Variants in MCTP2 observed in about 807,000 individuals in gnomAD.
MCTP2 encodes the protein multiple C2 and transmembrane domain-containing protein 2.
In MCTP2, 132 loss-of-function variants were observed where a neutral mutation model predicts 111.6. That is an observed-to-expected ratio of 1.18 (90% confidence interval 1.03 to 1.37). The LOEUF is 1.37. MCTP2 is among the 40% of genes most tolerant of loss of function. The pLI is 0.00. For missense variants in MCTP2, 1,183 were observed against 1,067.9 expected, an observed-to-expected ratio of 1.11 and a Z score of -1.50; for synonymous variants, 395 against 387.7, an observed-to-expected ratio of 1.02 and a Z score of -0.22.
At chr15:94,396,469 G>C (rs2081287203) in intron 14 of MCTP2, among the ~76,000 whole-genome samples, 1 of 151,784 alleles carries the variant, frequency 6.6e-6, no homozygotes, top group Admixed American at 6.6e-5. Context: ...TATATGTTTG[G>C]TTTTCATCTA....
At chr15:94,467,212 C>T (rs2073425882) in intron 20 of MCTP2, among the ~76,000 whole-genome samples, 1 of 152,042 alleles carries the variant, frequency 6.6e-6, no homozygotes, top group Admixed American at 6.6e-5. Context: ...AAAAGTTGCA[C>T]AGGAGCTATT....
chr15:94,247,977 T>C (rs769441933), intron 1 of MCTP2, among the ~76,000 whole-genome samples: 2 of 152,174 alleles, frequency 1.3e-5, no homozygotes, highest in Non-Finnish European at 2.9e-5. Flanking sequence ...CTTACAGTAT[T>C]GCAGGGTGGT....
chr15:94,402,570 C>A, intron 17 of MCTP2: 1 of 1,551,520 alleles, frequency 6.4e-7, no homozygotes, highest in Non-Finnish European at 8.7e-7. Flanking sequence ...ATAATAAAAT[C>A]GCAGAATCAA....
chr15:94,382,723 C>T (rs769504235), intron 12 of MCTP2, among the ~76,000 whole-genome samples: 2 of 152,228 alleles, frequency 1.3e-5, no homozygotes, highest in Admixed American at 6.5e-5. Flanking sequence ...TGGCTTAGGC[C>T]CTGGCCTGGG....
intron 17 of MCTP2, among the ~76,000 whole-genome samples, chr15:94,409,290 T>A (rs141014258): frequency 6.6e-6 from 1 of 152,126 alleles, no homozygotes; most frequent in African/African-American, 2.4e-5. Context: ...CTCCGAGTTC[T>A]TCAGTTGAGG....
chr15:94,358,454 A>G (rs2078747826), intron 9 of MCTP2, 28 bp from the exon 10 acceptor site: 1 of 1,589,246 alleles, frequency 6.3e-7, no homozygotes. Context: ...TTTTAAGAAA[A>G]TAAATATTAT....
At chr15:94,456,230 T>C (rs2084826505) in intron 19 of MCTP2, among the ~76,000 whole-genome samples, 1 of 152,194 alleles carries the variant, frequency 6.6e-6, no homozygotes, top group Non-Finnish European at 1.5e-5. Flanking sequence ...ATCAAATTCA[T>C]TATAAAGTAA....
intron 21 of MCTP2, chr15:94,476,314 T>C (rs774570029): frequency 1.2e-4 from 19 of 163,578 alleles, no homozygotes; most frequent in Admixed American, 1.9e-4. Context: ...TTAATCAGCG[T>C]ATTCCAAAAA....
chr15:94,291,944 T>C (rs1458461688), intron 1 of MCTP2, among the ~76,000 whole-genome samples: 5 of 152,224 alleles, frequency 3.3e-5, no homozygotes, highest in Non-Finnish European at 7.3e-5. Context: ...TTAGTGTGGC[T>C]ACATTCAATG....
chr15:94,296,989 A>G (rs2075303989), intron 1 of MCTP2, among the ~76,000 whole-genome samples: 1 of 152,184 alleles, frequency 6.6e-6, no homozygotes, highest in Non-Finnish European at 1.5e-5. Context: ...TCACAATGAT[A>G]AACTGTCCTC....
chr15:94,306,376 G>A (rs1042976821), intron 2 of MCTP2, among the ~76,000 whole-genome samples: 2 of 152,110 alleles, frequency 1.3e-5, no homozygotes, highest in Non-Finnish European at 2.9e-5. Flanking sequence ...TGACATGGAG[G>A]TTTGGAGAAT....
chr15:94,276,969 A>G (rs1170126180), intron 1 of MCTP2, among the ~76,000 whole-genome samples: 1 of 144,038 alleles, frequency 6.9e-6, no homozygotes, highest in African/African-American at 2.6e-5. Context: ...AAAAAAAATT[A>G]AGTGACTTGA....
intron 7 of MCTP2, 75 bp from the exon 8 acceptor site, chr15:94,345,054 A>C (rs1383334950): frequency 1.5e-5 from 23 of 1,516,392 alleles, no homozygotes; most frequent in Non-Finnish European, 2.1e-5. Flanking sequence ...ACATAATATA[A>C]TTACATTGAT....
intron 17 of MCTP2, among the ~76,000 whole-genome samples, chr15:94,416,972 T>C (rs947132563): frequency 2.0e-4 from 30 of 152,152 alleles, no homozygotes; most frequent in African/African-American, 7.2e-4. Context: ...GTTTCAAACA[T>C]GTTCCCTCTG....
intron 1 of MCTP2, among the ~76,000 whole-genome samples, chr15:94,250,039 A>AT (rs1379695216): frequency 3.9e-5 from 6 of 151,908 alleles, no homozygotes; most frequent in Non-Finnish European, 8.8e-5. Flanking sequence ...GCCATCAGTG[A>AT]TTTTTTCATT....
At chr15:94,445,370 ATCT>A (rs1223616565) in intron 19 of MCTP2, among the ~76,000 whole-genome samples, 1 of 152,184 alleles carries the variant, frequency 6.6e-6, no homozygotes, top group Non-Finnish European at 1.5e-5. Flanking sequence ...TTTCTATGAA[ATCT>A]TCTAGAGGAA....
intron 17 of MCTP2, among the ~76,000 whole-genome samples, chr15:94,406,388 A>C (rs906323790): frequency 2.6e-5 from 4 of 152,168 alleles, no homozygotes; most frequent in African/African-American, 9.7e-5. Flanking sequence ...TCTGCCTCTC[A>C]CTGATGCCCA....
At position 94,302,949 on chromosome 15, in the gene MCTP2, G is replaced by C. The variant is rs577285130; in HGVS notation, c.465+4219G>C. On this transcript the variant is annotated intron_variant, in intron 2 of 22. Transcript: ENST00000357742. ...CTGGGGAGGCCTCACAATCATGGCA[G>C]AAGGCAAGGAGGAGCAAGTCATGTC... Among the ~76,000 whole-genome samples, 157 of 151,746 alleles carry C rather than the reference G, an allele frequency of 1.0e-3. 2 individuals carry two copies. The highest frequency in any genetic ancestry group is 2.1e-3 in the Non-Finnish European group (144 of 67,934).
chr15:94,281,056 G>A (rs931688300), intron 1 of MCTP2, among the ~76,000 whole-genome samples: 3 of 152,134 alleles, frequency 2.0e-5, no homozygotes, highest in African/African-American at 7.2e-5. Context: ...CTGTTGGTTG[G>A]AGTATTCTGT....
Sources: allele counts gnomAD v4.1 joint callset (sites outside exome capture counted in the v4.1 genomes callset), GRCh38; gene constraint gnomAD v4.1.1; transcripts MANE v1.5; gene names NCBI Gene and HGNC (gene_info 2026-07-23, HGNC 2026-07-21).